DLG2: variants seen among roughly 807,000 people sequenced by gnomAD.
The protein encoded by DLG2 is disks large homolog 2.
A neutral mutation model predicts 132.5 loss-of-function variants in DLG2; 45 were observed. That is an observed-to-expected ratio of 0.34 (90% confidence interval 0.27 to 0.44). The LOEUF (loss-of-function observed/expected upper bound fraction) is 0.44, where lower values mean the gene tolerates loss of function less well. DLG2 is among the 20% of genes least tolerant of loss of function. The pLI is 1.00. For synonymous variants in DLG2, 424 were observed against 419.6 expected (o/e 1.01, Z -0.13); for missense variants, 1,045 against 1,196.9 (o/e 0.87, Z 1.87).
At chr11:85,623,480 T>G (rs937143434) in intron 2 of DLG2, among the ~76,000 whole-genome samples, 4 of 152,124 alleles carry the variant, frequency 2.6e-5, no homozygotes, top group Non-Finnish European at 4.4e-5. Context: ...AATTTTTGTA[T>G]TTTTAGTAGA....
chr11:84,154,171 T>C (rs1177237232), intron 9 of DLG2, among the ~76,000 whole-genome samples: 2 of 152,174 alleles, frequency 1.3e-5, no homozygotes, highest in Non-Finnish European at 2.9e-5. Flanking sequence ...CTAATTTTTG[T>C]ATTTTTAATA....
chr11:84,540,597 C>T lies in DLG2; in HGVS notation c.358-5866G>A, dbSNP rs372295665. On this transcript the variant is annotated intron_variant, in intron 6 of 27. Transcript: ENST00000376104. ...AACACTTTTACACTGTTGGTGGGAC[C>T]GTAAACTACTTCCACCATTGTGGAA... 1.5e-3 allele frequency among the ~76,000 whole-genome samples: 230 copies of T among 152,186 alleles called. 1 individual carries two copies. Among genetic ancestry groups the T allele is most frequent in the East Asian group, 3.9e-3 (20 of 5,170 alleles).
intron 9 of DLG2, among the ~76,000 whole-genome samples, chr11:84,138,948 CAAAA>C (rs5793107): frequency 1.1e-5 from 1 of 92,000 alleles, no homozygotes. Context: ...GACTCCATCT[CAAAA>C]AAAAAAAAAA....
rs180706753 is a variant in DLG2, at chr11:83,991,937, G to C, written c.920-11295C>G. 2.6e-5 allele frequency among the ~76,000 whole-genome samples: 4 copies of C among 152,062 alleles called. No individual in the cohort carries two copies. The South Asian group carries it at 8.3e-4, about 32-fold the overall frequency. ...AGGGTAGGATTAGGGTCCATTGATT[G>C]GTGCCCTTATAAGAAGAGGAAATTT... On this transcript the variant is annotated intron_variant, in intron 11 of 27. Transcript: ENST00000376104.
intron 7 of DLG2, among the ~76,000 whole-genome samples, chr11:84,443,002 G>A (rs908162566): frequency 1.4e-4 from 21 of 152,034 alleles, no homozygotes; most frequent in Non-Finnish European, 2.4e-4. Flanking sequence ...GCTGCAGATG[G>A]ATATATTTCT....
intron 6 of DLG2, among the ~76,000 whole-genome samples, chr11:84,698,198 G>A (rs2058822346): frequency 6.6e-6 from 1 of 151,192 alleles, no homozygotes; most frequent in South Asian, 2.1e-4. Context: ...TAGCATGAAG[G>A]CAGAAAGCAA....
intron 17 of DLG2, among the ~76,000 whole-genome samples, chr11:83,799,051 C>T (rs7122007): frequency 0.72 from 109,548 of 152,170 alleles, 40,932 homozygotes; most frequent in African/African-American, 0.93. Flanking sequence ...TAGTAAACTG[C>T]TTCCCCACCT....
intron 6 of DLG2, among the ~76,000 whole-genome samples, chr11:85,107,310 C>T (rs1333241684): frequency 1.3e-5 from 2 of 151,994 alleles, no homozygotes; most frequent in Admixed American, 6.6e-5. Flanking sequence ...TGTATTTATA[C>T]TTTGCATGTC....
At chr11:83,880,893 T>C (rs1333552570) in intron 15 of DLG2, among the ~76,000 whole-genome samples, 2 of 152,198 alleles carry the variant, frequency 1.3e-5, no homozygotes, top group Non-Finnish European at 2.9e-5. Flanking sequence ...CCTTGCATCT[T>C]CAACCCTTAC....
intron 7 of DLG2, among the ~76,000 whole-genome samples, chr11:84,511,657 A>G (rs1283698292): frequency 6.6e-6 from 1 of 152,182 alleles, no homozygotes; most frequent in Non-Finnish European, 1.5e-5. Context: ...GCTAACATCA[A>G]AAACAATCTT....
At chr11:85,480,896 T>G (rs2093272918) in intron 3 of DLG2, among the ~76,000 whole-genome samples, 1 of 152,206 alleles carries the variant, frequency 6.6e-6, no homozygotes, top group African/African-American at 2.4e-5. Flanking sequence ...ACATGCACAT[T>G]TAAGTAAAAC....
intron 6 of DLG2, among the ~76,000 whole-genome samples, chr11:84,575,909 C>A (rs1276210323): frequency 6.6e-6 from 1 of 152,146 alleles, no homozygotes; most frequent in Non-Finnish European, 1.5e-5. Context: ...TAAAAAACTA[C>A]ATCCCAGTGC....
At chr11:84,831,263 G>T (rs1197464614) in intron 6 of DLG2, among the ~76,000 whole-genome samples, 1 of 151,362 alleles carries the variant, frequency 6.6e-6, no homozygotes, top group Non-Finnish European at 1.5e-5. Flanking sequence ...ACACGTTTGG[G>T]GCATGGGTGT....
chr11:84,093,001 A>T (rs1787776835), intron 10 of DLG2, among the ~76,000 whole-genome samples: 1 of 150,332 alleles, frequency 6.7e-6, no homozygotes, highest in South Asian at 2.1e-4. Flanking sequence ...GCGCCACTGC[A>T]CTCCAGCCTG....
chr11:84,108,973 G>A (rs2093162106), intron 9 of DLG2, among the ~76,000 whole-genome samples: 1 of 152,168 alleles, frequency 6.6e-6, no homozygotes, highest in Admixed American at 6.6e-5. Flanking sequence ...GGACAGGGAT[G>A]CTGTGTATGA....
chr11:85,134,428 C>G (rs2075996572), intron 5 of DLG2, among the ~76,000 whole-genome samples: 1 of 144,804 alleles, frequency 6.9e-6, no homozygotes, highest in Admixed American at 7.0e-5. Flanking sequence ...ACTTGGGAGG[C>G]TGAGGCAGGA....
chr11:83,649,841 A>C (rs980396116), intron 18 of DLG2, among the ~76,000 whole-genome samples: 1 of 152,128 alleles, frequency 6.6e-6, no homozygotes, highest in African/African-American at 2.4e-5. Flanking sequence ...TTTTTCCTCC[A>C]TGATTTCTAT....
intron 6 of DLG2, among the ~76,000 whole-genome samples, chr11:85,097,653 TA>T (rs1168473925): frequency 6.6e-6 from 1 of 152,232 alleles, no homozygotes; most frequent in African/African-American, 2.4e-5. Context: ...CAGACAATTG[TA>T]AAGAGAAGAT....
At chr11:84,469,245 G>A (rs2099102351) in intron 7 of DLG2, among the ~76,000 whole-genome samples, 1 of 151,622 alleles carries the variant, frequency 6.6e-6, no homozygotes, top group African/African-American at 2.4e-5. Context: ...GTTTGAGGAA[G>A]AACACACTGA....
Sources: allele counts gnomAD v4.1 joint callset (sites outside exome capture counted in the v4.1 genomes callset), GRCh38; gene constraint gnomAD v4.1.1; transcripts MANE v1.5; gene names NCBI Gene and HGNC (gene_info 2026-07-23, HGNC 2026-07-21).